The following ASF1A variants were observed in gnomAD, a reference collection of about 807,000 sequenced individuals.
The protein encoded by ASF1A is histone chaperone ASF1A.
Under a neutral mutation model 22.0 loss-of-function variants are expected in ASF1A, and 5 were observed. That is an observed-to-expected ratio of 0.23 (90% CI 0.12 to 0.48). ASF1A has a LOEUF of 0.48. Ranked by LOEUF, ASF1A falls within the 20% of genes least tolerant of loss-of-function variation. The pLI is 0.99. For missense variants in ASF1A, 137 were observed against 240.6 expected, an observed-to-expected ratio of 0.57 and a Z score of 2.85; for synonymous variants, 97 against 86.7, an observed-to-expected ratio of 1.12 and a Z score of -0.66.
intron 1 of ASF1A, among the ~76,000 whole-genome samples, chr6:118,894,925 G>A (rs911352510): frequency 5.3e-5 from 8 of 152,160 alleles, no homozygotes; most frequent in African/African-American, 1.9e-4. Flanking sequence ...TGTGCGTGTG[G>A]TCGCGCCGGC....
intron 1 of ASF1A, among the ~76,000 whole-genome samples, chr6:118,896,006 C>T (rs985087056): frequency 1.3e-5 from 2 of 149,620 alleles, no homozygotes; most frequent in African/African-American, 4.9e-5. Flanking sequence ...TATCTCCTTT[C>T]GGTAATCACA....
chr6:118,896,724 C>G (rs1336685749), intron 1 of ASF1A, among the ~76,000 whole-genome samples: 2 of 152,166 alleles, frequency 1.3e-5, no homozygotes, highest in African/African-American at 4.8e-5. Flanking sequence ...TATACTCCAC[C>G]TAGAGGCTAT....
At chr6:118,898,920 A>G (rs145831703) in intron 1 of ASF1A, among the ~76,000 whole-genome samples, 134 of 152,250 alleles carry the variant, frequency 8.8e-4, no homozygotes, top group African/African-American at 3.1e-3. Context: ...ATGGCTTTAC[A>G]TATCATTGAC....
intron 1 of ASF1A, among the ~76,000 whole-genome samples, chr6:118,900,381 A>G (rs538779956): frequency 6.6e-6 from 1 of 152,366 alleles, no homozygotes; most frequent in South Asian, 2.1e-4. Context: ...GGGGGATTCC[A>G]TAGCCAAATA....
Position 118,900,887 on chromosome 6 carries a change from A to G in ASF1A, c.225+6A>G, listed in dbSNP as rs1779757261. On this transcript the variant is annotated splice_donor_region_variant and intron_variant, in intron 2 of 3. Transcript: ENST00000229595. ...GGCATATGTTTGTATTTCAGGTAAG[A>G]TTAATCTTGGTAAATGTGTATGCCA... 2 of 1,583,062 alleles carry G rather than the reference A, an allele frequency of 1.3e-6. No individual in the cohort carries two copies. The highest frequency in any genetic ancestry group is 2.2e-5 in the South Asian group (2 of 90,446).
Position 118,895,482 on chromosome 6 carries a change from A to T in ASF1A, c.109+960A>T, listed in dbSNP as rs566396412. 1.0e-3 allele frequency among the ~76,000 whole-genome samples: 156 copies of T among 152,344 alleles called. 1 individual carries two copies. The highest frequency in any genetic ancestry group is 3.4e-3 in the African/African-American group (143 of 41,576). On this transcript the variant is annotated intron_variant, in intron 1 of 3. Coordinates refer to ENST00000229595, the MANE Select transcript of ASF1A (RefSeq NM_014034.3). Reference sequence around the variant, plus strand: ...AAGACTTTCTTCAAGACCGTGTTGAAATCTAAAATAACTCCACATCCAAAT... The same window carrying T: ...AAGACTTTCTTCAAGACCGTGTTGATATCTAAAATAACTCCACATCCAAAT...
intron 1 of ASF1A, among the ~76,000 whole-genome samples, chr6:118,894,943 G>C (rs1208816327): frequency 2.0e-5 from 3 of 152,194 alleles, no homozygotes; most frequent in South Asian, 2.1e-4. Context: ...GGCGAGTTCG[G>C]AGCGGAGCCA....
At chr6:118,901,730 T>C (rs576828818) in intron 2 of ASF1A, among the ~76,000 whole-genome samples, 1 of 152,362 alleles carries the variant, frequency 6.6e-6, no homozygotes, top group South Asian at 2.1e-4. Context: ...ATAGGTTTTT[T>C]AAAACTACTA....
chr6:118,905,814 C>G lies in ASF1A; in HGVS notation c.388C>G (p.Pro130Ala). Reference sequence around the variant, plus strand: ...ATTAAGGGAAAATCCACCAGTAAAACCAGACTTTTCTAAGGTAATGTTCTT... The same window carrying G: ...ATTAAGGGAAAATCCACCAGTAAAAGCAGACTTTTCTAAGGTAATGTTCTT... ...TELRENPPVK[P>A]DFSKLQRNIL... The change falls in exon 3 of 4, where the codon CCA (proline) becomes GCA (alanine). Residue 130 changes from proline (P) to alanine (A), a missense_variant. This residue lies in a region of ASF1A where 96 missense variants were observed against 196.7 expected (regional missense o/e 0.49). Transcript: ENST00000229595. The G allele has an allele frequency of 6.2e-7, 1 of 1,601,120 alleles. No individual in the cohort carries two copies. Among genetic ancestry groups the G allele is most frequent in the Non-Finnish European group, 8.5e-7 (1 of 1,171,760 alleles).
chr6:118,906,827 G>A lies in ASF1A; in HGVS notation c.403-575G>A, dbSNP rs182295639. 6.2e-3 allele frequency among the ~76,000 whole-genome samples: 941 copies of A among 152,240 alleles called. 4 individuals are homozygous for A. The highest frequency in any genetic ancestry group is 0.012 in the Non-Finnish European group (796 of 68,000). ...ATGCAAGAAAAATTACATGACAATA[G>A]AATAGAATGTTCTCATGTTCTTTCT... On this transcript the variant is annotated intron_variant, in intron 3 of 3. Transcript: ENST00000229595.
intron 2 of ASF1A, among the ~76,000 whole-genome samples, chr6:118,901,876 C>T (rs573227546): frequency 6.6e-6 from 1 of 152,236 alleles, no homozygotes; most frequent in South Asian, 2.1e-4. Flanking sequence ...CAGATGGGAC[C>T]AATTTAAATG....
intron 1 of ASF1A, among the ~76,000 whole-genome samples, chr6:118,899,210 C>T (rs761142896): frequency 1.3e-5 from 2 of 152,206 alleles, no homozygotes; most frequent in Non-Finnish European, 2.9e-5. Context: ...GCAATCAAAG[C>T]ATTCCTTTTA....
At chr6:118,903,049 T>G (rs1353487480) in intron 2 of ASF1A, among the ~76,000 whole-genome samples, 1 of 152,226 alleles carries the variant, frequency 6.6e-6, no homozygotes, top group Non-Finnish European at 1.5e-5. Context: ...TTAAATTTGC[T>G]CAAACTGAAT....
intron 2 of ASF1A, among the ~76,000 whole-genome samples, chr6:118,904,826 A>G (rs1780060468): frequency 6.6e-6 from 1 of 152,096 alleles, no homozygotes; most frequent in South Asian, 2.1e-4. Flanking sequence ...AGCTATTTCC[A>G]TCTCATTTTC....
rs759644503 is a variant in ASF1A, at chr6:118,907,396, C to G, written c.403-6C>G. ...TTACCATTTGTATGTTTCCTTTTTC[C>G]TCTAGCTTCAAAGGAATATTTTGGC... On this transcript the variant is annotated splice_polypyrimidine_tract_variant and splice_region_variant and intron_variant, in intron 3 of 3. Coordinates refer to ENST00000229595, the MANE Select transcript of ASF1A (RefSeq NM_014034.3). 3.2e-6 allele frequency: 5 copies of G among 1,570,334 alleles called. No homozygotes were observed. In the South Asian group the frequency reaches 4.6e-5, roughly 14 times the overall value.
intron 1 of ASF1A, among the ~76,000 whole-genome samples, chr6:118,897,013 A>AT (rs916268745): frequency 8.6e-5 from 13 of 151,862 alleles, no homozygotes; most frequent in African/African-American, 3.1e-4. Context: ...TAATTTTTTA[A>AT]TTTTTTGTAG....
In ASF1A at chr6:118,908,210, T is replaced by A. The variant is rs1300912523; in HGVS notation, c.*596T>A. 1 of 152,174 alleles carries A rather than the reference T, an allele frequency of 6.6e-6. No individual in the cohort carries two copies. Among genetic ancestry groups the A allele is most frequent in the Non-Finnish European group, 1.5e-5 (1 of 68,012 alleles). 9.4% of individuals were successfully genotyped at this position (152,174 alleles called of 1,614,324 possible). On this transcript the variant is annotated 3_prime_UTR_variant, in exon 4 of 4. Transcript: ENST00000229595. ...GATGTTGGACAGCATTTGGTTTGTT[T>A]GGTAAGAGAAGAACAAATATGGCTA... is the stretch of plus-strand genomic sequence containing the variant.
At chr6:118,902,816 T>G in intron 2 of ASF1A, among the ~76,000 whole-genome samples, 1 of 152,222 alleles carries the variant, frequency 6.6e-6, no homozygotes, top group East Asian at 1.9e-4. Flanking sequence ...AGAGACTAAA[T>G]TACAGCTTTT....
At position 118,894,181 on chromosome 6, in the gene ASF1A, C is replaced by G. The variant is rs1222174175; in HGVS notation, c.-233C>G. The G allele has an allele frequency of 7.7e-7, 1 of 1,296,764 alleles. No individual in the cohort carries two copies. The highest frequency in any genetic ancestry group is 3.5e-5 in the Admixed American group (1 of 28,172). The allele number at this position is 1,296,764 out of a possible 1,614,324, so 80.3% of individuals were successfully genotyped here. A position where few individuals can be genotyped will look rare whatever the true frequency, so the allele number is the denominator to read the frequency against. On this transcript the variant is annotated 5_prime_UTR_variant, in exon 1 of 4. Coordinates refer to ENST00000229595, the MANE Select transcript of ASF1A (RefSeq NM_014034.3). The stretch of plus-strand genomic sequence containing the variant: ...CTCGGGTGCAGCCAATCGAGGGCAA[C>G]GCTGCTACTTATCAGAGCAGAATGG...
Sources: gnomAD v4.1 joint callset for allele counts (sites outside exome capture counted in the v4.1 genomes callset) on GRCh38, gnomAD v4.1.1 for gene constraint, gnomAD v4.1.1 regional missense constraint, MANE v1.5 for transcripts, NCBI Gene and HGNC (gene_info 2026-07-23, HGNC 2026-07-21) for gene names.